The following STAB1 variants were observed in gnomAD, a reference collection of about 807,000 sequenced individuals.
STAB1 encodes stabilin-1.
A neutral mutation model predicts 332.4 loss-of-function variants in STAB1; 250 were observed. The observed-to-expected ratio is 0.75, with a 90% CI of 0.68 to 0.84. STAB1 has a LOEUF of 0.84. Ranked by LOEUF, STAB1 falls within the 40% of genes least tolerant of loss-of-function variation. The pLI, the probability that STAB1 is intolerant of heterozygous loss-of-function variation, is 0.00. For missense variants in STAB1, 3,249 were observed against 3,489.7 expected (o/e 0.93, Z 1.74); for synonymous variants, 1,475 against 1,390.4 (o/e 1.06, Z -1.35).
At chr3:52,515,974 C>T in intron 37 of STAB1, 69 bp from the exon 38 acceptor site, 1 of 1,477,774 alleles carries the variant, frequency 6.8e-7, no homozygotes. Context: ...CCCGAGATGC[C>T]CCCGTTCCCC....
rs527738642 is a variant in STAB1, at chr3:52,522,059, G to T, written c.6294G>T (p.Gly2098=). 4.3e-6 allele frequency: 7 copies of T among 1,613,258 alleles called. No homozygotes were observed. The South Asian group carries it at 7.7e-5, about 18-fold the overall frequency. ...VCTVADLCQD[G]HGGCSEHANC... The stretch of plus-strand genomic sequence containing the variant: ...CAGTGGCAGACCTGTGCCAGGACGG[G>T]CATGGTGGCTGCAGTGAGCACGCCA... The change falls in exon 59 of 69, where the codon GGG becomes GGT. Residue 2098 remains glycine, a synonymous_variant. Coordinates refer to ENST00000321725, the MANE Select transcript of STAB1 (RefSeq NM_015136.3).
At position 52,510,445 on chromosome 3, in the gene STAB1, G is replaced by T; in HGVS notation, c.2725G>T (p.Glu909Ter). Reference protein sequence around the residue: ...GRVCVAIDECELDMRGGCHTD... With the variant: ...GRVCVAIDEC The stretch of plus-strand genomic sequence containing the variant: ...CGTCTGTGTGGCTATTGACGAGTGT[G>T]AGCTGGACATGAGAGGTGGCTGCCA... Residue 909 changes from glutamate to a stop codon, truncating the protein, a stop_gained, in exon 25 of 69, where the codon GAG (glutamate) becomes TAG (stop). Coordinates refer to ENST00000321725, the MANE Select transcript of STAB1 (RefSeq NM_015136.3). LOFTEE classifies it high-confidence loss of function. 1 of 1,613,792 alleles carries T rather than the reference G, an allele frequency of 6.2e-7. No homozygotes were observed. Among genetic ancestry groups the T allele is most frequent in the Non-Finnish European group, 8.5e-7 (1 of 1,179,988 alleles).
rs2079038310 is a variant in STAB1, at chr3:52,520,530, A to G, written c.5630A>G (p.Glu1877Gly). The change falls in exon 53 of 69, where the codon GAG (glutamate) becomes GGG (glycine). Residue 1877 changes from glutamate to glycine, a missense_variant. By Grantham distance (98) the Glu-to-Gly change is moderately conservative. Transcript: ENST00000321725. ...CTTGGTGCTCGCTGTGACCACTTTGAGACCCGGCCCCTGCGACTGGTGAGG... is the reference window on the plus strand; with the variant it reads ...CTTGGTGCTCGCTGTGACCACTTTGGGACCCGGCCCCTGCGACTGGTGAGG... ...PGLGARCDHF[E>G]TRPLRLNTCS... 1.9e-6 allele frequency: 3 copies of G among 1,611,642 alleles called. No homozygotes were observed. Among genetic ancestry groups the G allele is most frequent in the African/African-American group, 2.7e-5 (2 of 75,042 alleles).
intron 4 of STAB1, 32 bp from the exon 5 acceptor site, chr3:52,502,127 G>A (rs1287595976): frequency 6.2e-7 from 1 of 1,613,596 alleles, no homozygotes; most frequent in Non-Finnish European, 8.5e-7. Context: ...AGGCTCAGAG[G>A]GGCCACGCTG....
chr3:52,516,048 G>A lies in STAB1; in HGVS notation c.3954G>A (p.Pro1318=), dbSNP rs138945576. 246 of 1,607,464 alleles carry A rather than the reference G, an allele frequency of 1.5e-4. 1 individual carries two copies. The highest frequency in any genetic ancestry group is 1.2e-3 in the South Asian group (110 of 90,534). Residue 1318 remains proline, a synonymous_variant, in exon 38 of 69, where the codon CCG becomes CCA. Coordinates refer to ENST00000321725, the MANE Select transcript of STAB1 (RefSeq NM_015136.3). ...SYTCAKKIQV[P]DCCPGFFGTL... is the part of the protein sequence containing the mutation. ...TCCCATCCCCACGCCGACAGGTGCCGGACTGCTGCCCTGGTTTCTTTGGCA... is the reference window on the plus strand; with the variant it reads ...TCCCATCCCCACGCCGACAGGTGCCAGACTGCTGCCCTGGTTTCTTTGGCA...
chr3:52,510,176 T>G lies in STAB1; in HGVS notation c.2569T>G (p.Phe857Val). 6.2e-7 allele frequency: 1 copy of G among 1,614,008 alleles called. No homozygotes were observed. Among genetic ancestry groups the G allele is most frequent in the East Asian group, 2.2e-5 (1 of 44,892 alleles). Residue 857 changes from phenylalanine to valine, a missense_variant, in exon 24 of 69, where the codon TTC becomes GTC. Phe to Val is a conservative substitution (Grantham distance 50, BLOSUM62 -1). Transcript: ENST00000321725. Reference protein sequence around the residue: ...RCLDGFEGDGFSCTPSNPCSH... With the variant: ...RCLDGFEGDGVSCTPSNPCSH... ...TCTTGATGGCTTTGAGGGTGATGGCTTCTCCTGCACACCTAGCAACCCCTG... is the reference window on the plus strand; with the variant it reads ...TCTTGATGGCTTTGAGGGTGATGGCGTCTCCTGCACACCTAGCAACCCCTG...
In STAB1 at chr3:52,517,962, A is replaced by G. The variant is rs1337302916; in HGVS notation, c.4720A>G (p.Thr1574Ala). ...QRTCTCDTAH[T>A]VGDGLTCRAR... ...GACATGTACCTGCGACACAGCCCAC[A>G]CCGTGGGGGACGGCCTCACCTGCCG... The change falls in exon 45 of 69, where the codon ACC becomes GCC. Residue 1574 changes from threonine (T) to alanine (A), a missense_variant. Coordinates refer to ENST00000321725, the MANE Select transcript of STAB1 (RefSeq NM_015136.3). The G allele has an allele frequency of 3.7e-6, 6 of 1,607,710 alleles. No homozygotes were observed. Among genetic ancestry groups the G allele is most frequent in the Non-Finnish European group, 5.1e-6 (6 of 1,178,572 alleles).
intron 1 of STAB1, 117 bp downstream of exon 1, chr3:52,495,608 C>T (rs1041341739): frequency 5.2e-6 from 5 of 956,202 alleles, no homozygotes; most frequent in East Asian, 6.6e-5. Flanking sequence ...CAGCTGGCGC[C>T]TGTCTGGCCT....
chr3:52,504,460 G>C lies in STAB1; in HGVS notation c.1151-1G>C, dbSNP rs1173695196. 2.5e-6 allele frequency: 4 copies of C among 1,613,834 alleles called. No homozygotes were observed. Among genetic ancestry groups the C allele is most frequent in the Non-Finnish European group, 3.4e-6 (4 of 1,179,976 alleles). ...TGATGCTCCCTCACCCTGCCCCCCA[G>C]ACCAGGGCTGCCGGGAAATCCTTAC... On this transcript the variant is annotated splice_acceptor_variant, in intron 10 of 68. Transcript: ENST00000321725. LOFTEE classifies it high-confidence loss of function.
intron 18 of STAB1, 150 bp downstream of exon 18, chr3:52,507,000 G>A: frequency 9.3e-7 from 1 of 1,073,108 alleles, no homozygotes; most frequent in South Asian, 1.6e-5. Context: ...ACCCACCTGT[G>A]CTTCCCCCAC....
intron 14 of STAB1, 136 bp downstream of exon 14, chr3:52,505,517 C>T: frequency 8.3e-7 from 1 of 1,206,532 alleles, no homozygotes; most frequent in Non-Finnish European, 1.2e-6. Flanking sequence ...CGTCCTCAAG[C>T]CTGAGGTTCT....
At position 52,501,318 on chromosome 3, in the gene STAB1, G is replaced by C. The variant is rs1021610169; in HGVS notation, c.215+16G>C. 3 of 1,610,664 alleles carry C rather than the reference G, an allele frequency of 1.9e-6. No homozygotes were observed. The African/African-American group carries it at 4.0e-5, about 21-fold the overall frequency. ...AGGACTGCCGGTGCGGGCCACCCCT[G>C]TCCTTGCCTGTGTCCAGGAGCATCC... is the stretch of plus-strand genomic sequence containing the variant. On this transcript the variant is annotated intron_variant, in intron 2 of 68. Transcript: ENST00000321725.
At chr3:52,511,844 A>T (rs1190578183) in intron 26 of STAB1, 99 bp downstream of exon 26, 3 of 937,180 alleles carry the variant, frequency 3.2e-6, no homozygotes, top group Non-Finnish European at 4.7e-6. Context: ...GTCTCTCTGT[A>T]CCCCCTCAGG....
Position 52,516,357 on chromosome 3 carries a change from G to C in STAB1, c.4146G>C (p.Val1382=), listed in dbSNP as rs2078864577. 6.2e-7 allele frequency: 1 copy of C among 1,607,898 alleles called. No individual in the cohort carries two copies. Among genetic ancestry groups the C allele is most frequent in the Non-Finnish European group, 8.5e-7 (1 of 1,175,776 alleles). ...LGRYGPNCTG[V]CDCAHGLCQE... is the part of the protein sequence containing the mutation. The stretch of plus-strand genomic sequence containing the variant: ...CTATCCTCCTTTATACCACTGCAGT[G>C]TGTGACTGTGCCCATGGGCTGTGCC... Residue 1382 remains valine, a splice_region_variant and synonymous_variant, in exon 39 of 69, where the codon GTG becomes GTC. Coordinates refer to ENST00000321725, the MANE Select transcript of STAB1 (RefSeq NM_015136.3).
chr3:52,522,599 T>C lies in STAB1; in HGVS notation c.6655T>C (p.Tyr2219His). The C allele has an allele frequency of 1.9e-6, 3 of 1,612,970 alleles. No homozygotes were observed. The highest frequency in any genetic ancestry group is 2.5e-6 in the Non-Finnish European group (3 of 1,180,008). Residue 2219 changes from tyrosine to histidine, a missense_variant, in exon 61 of 69, where the codon TAT (tyrosine) becomes CAT (histidine). Coordinates refer to ENST00000321725, the MANE Select transcript of STAB1 (RefSeq NM_015136.3). ...CCACCTCCAGGCCACCAGCGGCCCTTATGGTCTGAACTTTTCGGAGGCTGA... is the reference window on the plus strand; with the variant it reads ...CCACCTCCAGGCCACCAGCGGCCCTCATGGTCTGAACTTTTCGGAGGCTGA... Reference protein sequence around the residue: ...VFHLQATSGPYGLNFSEAEAA... With the variant: ...VFHLQATSGPHGLNFSEAEAA...
chr3:52,508,195 G>A, intron 20 of STAB1, 78 bp from the exon 21 acceptor site: 5 of 1,441,886 alleles, frequency 3.5e-6, no homozygotes, highest in Non-Finnish European at 4.8e-6. Context: ...TCTGGAGATG[G>A]GGCCAGGGAG....
chr3:52,522,943 G>A lies in STAB1; in HGVS notation c.6910+3G>A, dbSNP rs1322949364. 1.9e-6 allele frequency: 3 copies of A among 1,611,684 alleles called. No homozygotes were observed. Among genetic ancestry groups the A allele is most frequent in the South Asian group, 2.2e-5 (2 of 91,060 alleles). Reference sequence around the variant, plus strand: ...TGCCTACTGCTTCCGTGTGCAAGGTGTGTCCACCCGACCAAACCCTACTTC... The same window carrying A: ...TGCCTACTGCTTCCGTGTGCAAGGTATGTCCACCCGACCAAACCCTACTTC... On this transcript the variant is annotated splice_donor_region_variant and intron_variant, in intron 62 of 68. Transcript: ENST00000321725.
At chr3:52,506,587 T>G in intron 17 of STAB1, 105 bp from the exon 18 acceptor site, 37 of 1,304,966 alleles carry the variant, frequency 2.8e-5, no homozygotes, top group Non-Finnish European at 3.4e-5. Flanking sequence ...AGCAGCTCAC[T>G]GAGCTGCCTG....
In STAB1 at chr3:52,523,884, C is replaced by T. The variant is rs750984845; in HGVS notation, c.7409C>T (p.Ala2470Val). The change falls in exon 67 of 69, where the codon GCG (alanine) becomes GTG (valine). Residue 2470 changes from alanine to valine, a missense_variant. Transcript: ENST00000321725. Reference protein sequence around the residue: ...LAPPQPQAVLAPEAPPVAAGV... With the variant: ...LAPPQPQAVLVPEAPPVAAGV... ...GTTTGTTTGTAGCAGGCAGTGCTGG[C>T]GCCTGAAGCCCCACCTGTGGCGGCA... 3.5e-5 allele frequency: 56 copies of T among 1,603,126 alleles called. No individual in the cohort carries two copies. Among genetic ancestry groups the T allele is most frequent in the Admixed American group, 8.4e-5 (5 of 59,780 alleles).
Sources: allele counts gnomAD v4.1 joint callset, GRCh38; gene constraint gnomAD v4.1.1; transcripts MANE v1.5; gene names NCBI Gene and HGNC (gene_info 2026-07-23, HGNC 2026-07-21).